The following UMODL1 variants were observed in gnomAD, a reference collection of about 807,000 sequenced individuals.
UMODL1 encodes the protein uromodulin-like 1.
In UMODL1, 128 loss-of-function variants were observed where a neutral mutation model predicts 136.3. The observed-to-expected ratio is 0.94, with a 90% CI of 0.81 to 1.09. The LOEUF (loss-of-function observed/expected upper bound fraction) is 1.09. Ranked by LOEUF, UMODL1 falls within the 50% of genes least tolerant of loss-of-function variation. The pLI, the probability that UMODL1 is intolerant of heterozygous loss-of-function variation, is 0.00. For missense variants in UMODL1, 1,766 were observed against 1,725.6 expected, an observed-to-expected ratio of 1.02 and a Z score of -0.41; for synonymous variants, 721 against 720.0, an observed-to-expected ratio of 1.00 and a Z score of -0.02.
intron 1 of UMODL1, among the ~76,000 whole-genome samples, chr21:42,072,911 G>C (rs1204198818): frequency 6.6e-6 from 1 of 152,242 alleles, no homozygotes; most frequent in Non-Finnish European, 1.5e-5. Flanking sequence ...TCTTCTCTGG[G>C]CTTGGCCAAG....
intron 19 of UMODL1, 67 bp downstream of exon 19, chr21:42,127,309 C>T: frequency 3.5e-6 from 5 of 1,422,052 alleles, no homozygotes; most frequent in Non-Finnish European, 5.0e-6. Context: ...ATAGGTAGGG[C>T]TCAAGAATGC....
Position 42,099,312 on chromosome 21 carries a change from TCCCTC to T in UMODL1, c.1186+140_1186+144del. 7.6e-7 allele frequency: 1 copy of T among 1,308,932 alleles called. No individual in the cohort carries two copies. Among genetic ancestry groups the T allele is most frequent in the Non-Finnish European group, 1.0e-6 (1 of 979,392 alleles). The allele number at this position is 1,308,932 out of a possible 1,614,324, so 81.1% of individuals were successfully genotyped here. On this transcript the variant is annotated intron_variant, in intron 7 of 22. Transcript: ENST00000408910. The surrounding 1 kb of genome is among the most constrained non-coding windows in gnomAD (Gnocchi z 4.1). ...AAGTCACTGACCGCCCTGCACTTCCTCCCTCCCCTCCCAGTCATCCCACTGCCTGC... is the reference window on the plus strand; with the variant it reads ...AAGTCACTGACCGCCCTGCACTTCCTCCCTCCCAGTCATCCCACTGCCTGC...
rs1448200556 is a variant in UMODL1 at position 42,103,877 on chromosome 21, T to C, written c.1309T>C (p.Ser437Pro). 1.9e-6 allele frequency: 3 copies of C among 1,614,142 alleles called. No individual in the cohort carries two copies. The East Asian group carries it at 6.7e-5, about 36-fold the overall frequency. Residue 437 changes from serine (S) to proline (P), a missense_variant, in exon 9 of 23, where the codon TCC (serine) becomes CCC (proline). Physicochemically the swap from Ser to Pro is moderately conservative, Grantham distance 74. Transcript: ENST00000408910. ...GCCTCTTCTTGGCTAGGTCGAGAGC[T>C]CCTTCCCACCAGTGGTGTCTGACTT... ...SRQLLHEVES[S>P]FPPVVSDLYR... is the part of the protein sequence containing the mutation.
Position 42,076,117 on chromosome 21 carries a change from C to T in UMODL1, c.189C>T (p.Gly63=). 6.2e-7 allele frequency: 1 copy of T among 1,614,248 alleles called. No individual in the cohort carries two copies. The highest frequency in any genetic ancestry group is 8.5e-7 in the Non-Finnish European group (1 of 1,180,042). ...ACACGTCCTATGTGTCCTGCGGCGG[C>T]TGGATCCCCTGGAGGCGGTGCCCTA... ...TSYTSYVSCG[G]WIPWRRCPKM... is the part of the protein sequence containing the mutation. Residue 63 remains glycine, a synonymous_variant, in exon 2 of 23, where the codon GGC becomes GGT. Transcript: ENST00000408910.
intron 1 of UMODL1, among the ~76,000 whole-genome samples, chr21:42,063,743 TG>T (rs1035746475): frequency 3.3e-5 from 5 of 152,308 alleles, no homozygotes; most frequent in African/African-American, 1.2e-4. Context: ...CGGCTCCCCT[TG>T]GCCCCAGTGG....
At chr21:42,088,028 G>T (rs1779297314) in intron 4 of UMODL1, among the ~76,000 whole-genome samples, 5 of 152,198 alleles carry the variant, frequency 3.3e-5, no homozygotes, top group Admixed American at 1.3e-4. Context: ...ACATTCTGAG[G>T]TACTGGAGGT....
chr21:42,084,301 G>T, intron 3 of UMODL1, 56 bp downstream of exon 3: 1 of 1,581,982 alleles, frequency 6.3e-7, no homozygotes. Context: ...TCTCGGTGAG[G>T]CCTGATCTGT....
chr21:42,120,184 C>T (rs868050216), intron 15 of UMODL1, among the ~76,000 whole-genome samples: 3 of 152,368 alleles, frequency 2.0e-5, no homozygotes, highest in Non-Finnish European at 2.9e-5. Context: ...TTACTGCTGA[C>T]ATGAATACTG....
chr21:42,105,395 G>A (rs1793138118), intron 9 of UMODL1, among the ~76,000 whole-genome samples: 1 of 152,188 alleles, frequency 6.6e-6, no homozygotes, highest in Admixed American at 6.5e-5. Context: ...TGGGACTAGG[G>A]CTCAGGCGAT....
intron 6 of UMODL1, among the ~76,000 whole-genome samples, chr21:42,096,651 G>T (rs577235124): frequency 2.0e-5 from 3 of 152,188 alleles, no homozygotes; most frequent in Non-Finnish European, 4.4e-5. Flanking sequence ...CTCGCTCTGC[G>T]TCAAGTTTGA....
rs973920402 is a variant in UMODL1 at position 42,084,374 on chromosome 21, C to T, written c.481+129C>T. ...GACCGATTTCATCAGGAGCCCCCAC[C>T]GTGTGCACAGGCAGCACCTGCTCTT... On this transcript the variant is annotated intron_variant, in intron 3 of 22. Coordinates refer to ENST00000408910, the MANE Select transcript of UMODL1 (RefSeq NM_001004416.3). 1.3e-4 allele frequency: 134 copies of T among 1,016,326 alleles called. No individual in the cohort carries two copies. In the African/African-American group the frequency reaches 1.8e-3, roughly 14 times the overall value. 63.0% of individuals were successfully genotyped at this position (1,016,326 alleles called of 1,614,324 possible).
intron 6 of UMODL1, among the ~76,000 whole-genome samples, chr21:42,096,554 G>A (rs1227822937): frequency 6.6e-6 from 1 of 152,160 alleles, no homozygotes; most frequent in Admixed American, 6.5e-5. Flanking sequence ...TTTTAACTCT[G>A]CTCCGTTCAG....
At chr21:42,110,823 G>T (rs984419419) in intron 10 of UMODL1, 57 bp from the exon 11 acceptor site, 2 of 1,494,022 alleles carry the variant, frequency 1.3e-6, no homozygotes, top group Admixed American at 2.1e-5. Context: ...CCTCCTGGGA[G>T]GGCTCTTACT....
chr21:42,080,727 T>C lies in UMODL1; in HGVS notation c.320-3357T>C, dbSNP rs115859476. 1.3e-3 allele frequency among the ~76,000 whole-genome samples: 200 copies of C among 152,322 alleles called. 1 individual carries two copies. Among genetic ancestry groups the C allele is most frequent in the African/African-American group, 4.5e-3 (189 of 41,564 alleles). On this transcript the variant is annotated intron_variant, in intron 2 of 22. Coordinates refer to ENST00000408910, the MANE Select transcript of UMODL1 (RefSeq NM_001004416.3). The stretch of plus-strand genomic sequence containing the variant: ...AGCCTGCTGCTCACGAATAACCACC[T>C]TTCACATGTTCTTTATCCAGGGCAG...
In UMODL1 at chr21:42,085,379, G is replaced by A. The variant is rs2066413910; in HGVS notation, c.570G>A (p.Arg190=). 1.9e-6 allele frequency: 3 copies of A among 1,613,938 alleles called. No homozygotes were observed. The highest frequency in any genetic ancestry group is 2.5e-6 in the Non-Finnish European group (3 of 1,180,002). Residue 190 remains arginine (R), a synonymous_variant, in exon 4 of 23, where the codon AGG becomes AGA. Coordinates refer to ENST00000408910, the MANE Select transcript of UMODL1 (RefSeq NM_001004416.3). The surrounding 1 kb of genome is among the most constrained non-coding windows in gnomAD (Gnocchi z 4.5). ...AGGAACTCCAGCAAGTGGACCCCAGGCTCCTGAACCACATGCGCCTTCTGC... is the reference window on the plus strand; with the variant it reads ...AGGAACTCCAGCAAGTGGACCCCAGACTCCTGAACCACATGCGCCTTCTGC... ...DFKELQQVDP[R]LLNHMRLLHS...
upstream of UMODL1, among the ~76,000 whole-genome samples, chr21:42,070,738 T>C (rs1457239230): frequency 3.9e-5 from 6 of 152,264 alleles, no homozygotes; most frequent in Non-Finnish European, 5.9e-5. Flanking sequence ...TAATAGGTAA[T>C]GCACATCCCT....
chr21:42,119,356 G>A, intron 15 of UMODL1, 32 bp downstream of exon 15: 2 of 1,593,696 alleles, frequency 1.3e-6, no homozygotes, highest in Non-Finnish European at 1.7e-6. Flanking sequence ...CCTCTCCCGT[G>A]TTCTGGAACC....
chr21:42,063,976 G>A lies in UMODL1; in HGVS notation c.-141+762G>A, dbSNP rs147687421. Among the ~76,000 whole-genome samples, 797 of 152,248 alleles carry A rather than the reference G, an allele frequency of 5.2e-3. 9 individuals carry two copies. The highest frequency in any genetic ancestry group is 0.018 in the African/African-American group (743 of 41,554). On this transcript the variant is annotated intron_variant, in intron 1 of 22. Transcript: ENST00000400424. ...GGGTGAAAAACAAGAGATGCTCAGC[G>A]CCTGTGGGATGTGTGGGCTGACTCG...
intron 2 of UMODL1, among the ~76,000 whole-genome samples, chr21:42,081,705 A>G (rs1212085174): frequency 6.6e-6 from 1 of 151,972 alleles, no homozygotes; most frequent in African/African-American, 2.4e-5. Flanking sequence ...GTACCCCCCA[A>G]CCCAGCTTCC....
Sources: allele counts gnomAD v4.1 joint callset (sites outside exome capture counted in the v4.1 genomes callset), GRCh38; gene constraint gnomAD v4.1.1; non-coding constraint Gnocchi (gnomAD v3.1); transcripts MANE v1.5; gene names NCBI Gene and HGNC (gene_info 2026-07-23, HGNC 2026-07-21).